Variants in TDP1 observed in about 807,000 individuals in gnomAD.
The protein encoded by TDP1 is tyr-DNA phosphodiesterase 1.
TDP1 carries 64 observed loss-of-function variants against 81.5 expected under a neutral mutation model. That is an observed-to-expected ratio of 0.79 (90% CI 0.64 to 0.97). The LOEUF is 0.97. Ranked by LOEUF, TDP1 falls within the 50% of genes least tolerant of loss-of-function variation. TDP1 has a pLI of 0.00. For synonymous variants in TDP1, 256 were observed against 264.3 expected (o/e 0.97, Z 0.30); for missense variants, 723 against 743.8 (o/e 0.97, Z 0.33).
At chr14:89,970,782 C>T in intron 5 of TDP1, 1 of 954,962 alleles carries the variant, frequency 1.0e-6, no homozygotes, top group Non-Finnish European at 1.2e-6. Context: ...AGGAAGCTAG[C>T]ATTCCTTAAT....
At chr14:90,024,046 C>G (rs1886379688) in intron 15 of TDP1, among the ~76,000 whole-genome samples, 1 of 152,314 alleles carries the variant, frequency 6.6e-6, no homozygotes, top group East Asian at 1.9e-4. Flanking sequence ...CCCACTTCAC[C>G]TCCCTGGGCC....
intron 5 of TDP1, among the ~76,000 whole-genome samples, chr14:89,968,995 A>G (rs1411291093): frequency 1.3e-5 from 2 of 152,192 alleles, no homozygotes; most frequent in African/African-American, 4.8e-5. Flanking sequence ...AAAAAGAGAA[A>G]TTTGGGTGCA....
At position 90,044,008 on chromosome 14, in the gene TDP1, C is replaced by T. The variant is rs1026827947; in HGVS notation, c.*865C>T. 2.6e-5 allele frequency: 4 copies of T among 152,170 alleles called. No homozygotes were observed. The highest frequency in any genetic ancestry group is 2.0e-4 in the Admixed American group (3 of 15,266). 9.4% of individuals were successfully genotyped at this position (152,170 alleles called of 1,614,324 possible). ...CTGAGACCAATGTGCTGTTTCAGCC[C>T]CCTGCAGCTAAGAATTGTATTGACT... is the stretch of plus-strand genomic sequence containing the variant. On this transcript the variant is annotated 3_prime_UTR_variant, in exon 17 of 17. Coordinates refer to ENST00000335725, the MANE Select transcript of TDP1 (RefSeq NM_018319.4).
In TDP1 at chr14:89,993,850, T is replaced by C. The variant is rs34342958; in HGVS notation, c.1541+367T>C. On this transcript the variant is annotated intron_variant, in intron 14 of 16. Coordinates refer to ENST00000335725, the MANE Select transcript of TDP1 (RefSeq NM_018319.4). The stretch of plus-strand genomic sequence containing the variant: ...TTAGTTTCTCCTTAGGTAATTGAAA[T>C]CTGAAGCAATCAAATCTCTTATGTG... 6.0e-3 allele frequency among the ~76,000 whole-genome samples: 907 copies of C among 152,298 alleles called. 6 individuals are homozygous for C. The highest frequency in any genetic ancestry group is 0.021 in the African/African-American group (870 of 41,564).
intron 13 of TDP1, among the ~76,000 whole-genome samples, chr14:89,992,789 T>C (rs1896326718): frequency 6.6e-6 from 1 of 152,218 alleles, no homozygotes. Context: ...CATCCTCTTA[T>C]ATTCATAAGT....
chr14:89,980,755 GA>G (rs1026287698), intron 8 of TDP1, 123 bp downstream of exon 8: 2 of 818,096 alleles, frequency 2.4e-6, no homozygotes, highest in Non-Finnish European at 4.0e-6. Context: ...ACATGGCCTA[GA>G]AAAAGAGTTG....
intron 15 of TDP1, among the ~76,000 whole-genome samples, chr14:90,027,395 C>T (rs565987145): frequency 2.0e-5 from 3 of 152,030 alleles, no homozygotes; most frequent in African/African-American, 7.2e-5. Flanking sequence ...ATCTTTGGCC[C>T]ACGAGATGAT....
intron 15 of TDP1, among the ~76,000 whole-genome samples, chr14:90,022,262 A>G (rs942256054): frequency 4.6e-5 from 7 of 152,236 alleles, no homozygotes; most frequent in African/African-American, 7.2e-5. Context: ...ACAGAAACCA[A>G]TTTGTGCCCA....
chr14:89,963,666 C>T lies in TDP1; in HGVS notation c.552C>T (p.His184=). Residue 184 remains histidine (H), a synonymous_variant, in exon 3 of 17, where the codon CAC becomes CAT. Transcript: ENST00000335725. ...VKPKYNSGAL[H]IKDILSPLFG... Reference sequence around the variant, plus strand: ...CAAAGTATAACTCTGGAGCCCTCCACATCAAGGGTAAGAGGATGCTGGGTG... The same window carrying T: ...CAAAGTATAACTCTGGAGCCCTCCATATCAAGGGTAAGAGGATGCTGGGTG... 1 of 1,613,986 alleles carries T rather than the reference C, an allele frequency of 6.2e-7. No homozygotes were observed. Among genetic ancestry groups the T allele is most frequent in the Non-Finnish European group, 8.5e-7 (1 of 1,179,898 alleles).
chr14:90,037,374 T>C (rs147154384), intron 16 of TDP1, among the ~76,000 whole-genome samples: 1 of 152,306 alleles, frequency 6.6e-6, no homozygotes, highest in African/African-American at 2.4e-5. Context: ...TTATTTGGAC[T>C]TAATAAATTG....
At chr14:89,982,169 C>A (rs1021537989) in intron 8 of TDP1, among the ~76,000 whole-genome samples, 2 of 152,134 alleles carry the variant, frequency 1.3e-5, no homozygotes, top group Non-Finnish European at 2.9e-5. Flanking sequence ...CTTTGAGACC[C>A]CTAGCTGTAA....
intron 16 of TDP1, among the ~76,000 whole-genome samples, chr14:90,034,358 C>A (rs929733228): frequency 1.3e-5 from 2 of 152,174 alleles, no homozygotes; most frequent in African/African-American, 2.4e-5. Context: ...AAGGGAGGTC[C>A]CCAGGGGCTA....
At chr14:89,997,167 T>C (rs576675594) in intron 14 of TDP1, among the ~76,000 whole-genome samples, 2 of 152,330 alleles carry the variant, frequency 1.3e-5, no homozygotes, top group South Asian at 4.1e-4. Context: ...TTGTCAGCGT[T>C]CTTTCCCTAT....
intron 6 of TDP1, among the ~76,000 whole-genome samples, chr14:89,971,475 T>C (rs1434032315): frequency 6.6e-6 from 1 of 152,216 alleles, no homozygotes; most frequent in Non-Finnish European, 1.5e-5. Context: ...GTTTTTCTTT[T>C]TGTGGGCCTG....
intron 14 of TDP1, among the ~76,000 whole-genome samples, chr14:90,004,584 A>T (rs1897481345): frequency 6.6e-6 from 1 of 152,180 alleles, no homozygotes; most frequent in South Asian, 2.1e-4. Context: ...TAGGATTTAG[A>T]CCCAGATAGT....
intron 11 of TDP1, 114 bp downstream of exon 11, chr14:89,989,204 T>G: frequency 7.1e-7 from 1 of 1,405,240 alleles, no homozygotes; most frequent in Non-Finnish European, 9.6e-7. Flanking sequence ...TCTTTTTTTT[T>G]TTTTGGCGTG....
intron 15 of TDP1, chr14:90,023,227 G>C: frequency 3.1e-6 from 2 of 650,002 alleles, no homozygotes; most frequent in Non-Finnish European, 5.6e-6. Context: ...TTAAGGAGGT[G>C]GCATTCGATC....
chr14:90,004,734 T>C (rs565109991), intron 14 of TDP1, among the ~76,000 whole-genome samples: 1 of 152,268 alleles, frequency 6.6e-6, no homozygotes, highest in Admixed American at 6.5e-5. Flanking sequence ...TGCTTTGGGA[T>C]TGGCACAGAA....
At chr14:89,968,983 A>G (rs1007679598) in intron 5 of TDP1, among the ~76,000 whole-genome samples, 2 of 152,202 alleles carry the variant, frequency 1.3e-5, no homozygotes, top group African/African-American at 2.4e-5. Context: ...TAGTGTCCTT[A>G]TAAAAAGAGA....
Sources: allele counts gnomAD v4.1 joint callset (sites outside exome capture counted in the v4.1 genomes callset), GRCh38; gene constraint gnomAD v4.1.1; transcripts MANE v1.5; gene names NCBI Gene and HGNC (gene_info 2026-07-23, HGNC 2026-07-21).